PTK2: variants seen among roughly 807,000 people sequenced by gnomAD.
PTK2 encodes focal adhesion kinase 1.
Under a neutral mutation model 150.1 loss-of-function variants are expected in PTK2, and 45 were observed. The observed-to-expected ratio is 0.30, with a 90% CI of 0.24 to 0.38. PTK2 has a LOEUF of 0.38. Among genes scored for constraint, PTK2 ranks in the 10% least tolerant of loss-of-function variants. PTK2 has a pLI of 1.00. For synonymous variants in PTK2, 432 were observed against 449.2 expected, an observed-to-expected ratio of 0.96 and a Z score of 0.48; for missense variants, 919 against 1,307.3, an observed-to-expected ratio of 0.70 and a Z score of 4.58.
At chr8:140,764,371 C>G (rs751711246) in intron 14 of PTK2, 81 bp from the exon 17 acceptor site, 1 of 1,094,000 alleles carries the variant, frequency 9.1e-7, no homozygotes, top group Non-Finnish European at 1.4e-6. Context: ...GTAGGCAAAG[C>G]GATCTGCTTA....
chr8:140,941,563 C>T (rs930206976), intron 1 of PTK2, among the ~76,000 whole-genome samples: 4 of 152,036 alleles, frequency 2.6e-5, no homozygotes, highest in Non-Finnish European at 5.9e-5. Context: ...GATTTTTAAA[C>T]GAAAATTAGA....
At chr8:140,667,907 A>C (rs2093319340) in intron 30 of PTK2, among the ~76,000 whole-genome samples, 1 of 152,162 alleles carries the variant, frequency 6.6e-6, no homozygotes. Flanking sequence ...TAAGTCTTAC[A>C]CAGGATTATT....
At chr8:140,762,094 T>C (rs1382452646) in intron 15 of PTK2, among the ~76,000 whole-genome samples, 2 of 152,154 alleles carry the variant, frequency 1.3e-5, no homozygotes, top group Non-Finnish European at 2.9e-5. Flanking sequence ...ATTCCAGTAG[T>C]GTAATCACCA....
At chr8:140,863,485 C>T (rs1386464731) in intron 5 of PTK2, among the ~76,000 whole-genome samples, 1 of 152,184 alleles carries the variant, frequency 6.6e-6, no homozygotes, top group Non-Finnish European at 1.5e-5. Context: ...GTCCCTCTCT[C>T]ACCAAAATGT....
rs187727411 is a variant in PTK2 at position 140,715,293 on chromosome 8, C to G, written c.2142+2305G>C. The stretch of plus-strand genomic sequence containing the variant: ...GTTCAAGCAATTATCTTGCCTCAGC[C>G]TCCTGAGTAGCTGGGATTACAGGTG... On this transcript the variant is annotated intron_variant, in intron 23 of 31. Transcript: ENST00000522684. Among the ~76,000 whole-genome samples the G allele has an allele frequency of 1.1e-4, 16 of 149,178 alleles. No individual in the cohort carries two copies. In the Admixed American group the frequency reaches 1.1e-3, roughly 10 times the overall value.
chr8:140,834,068 T>C (rs182766858), intron 7 of PTK2, among the ~76,000 whole-genome samples: 3 of 152,338 alleles, frequency 2.0e-5, no homozygotes, highest in East Asian at 1.9e-4. Flanking sequence ...AGCAGTCCCA[T>C]GTGGCTAGAG....
intron 23 of PTK2, among the ~76,000 whole-genome samples, chr8:140,706,426 C>T (rs1347139865): frequency 1.3e-5 from 2 of 152,214 alleles, no homozygotes; most frequent in Non-Finnish European, 2.9e-5. Flanking sequence ...CTTCCTCCCA[C>T]ATGCACAAAA....
chr8:140,697,136 G>GAAAA lies in PTK2; in HGVS notation c.2499+3754_2499+3755insTTTT, dbSNP rs1564577826. Among the ~76,000 whole-genome samples, 245 of 43,320 alleles carry GAAAA rather than the reference G, an allele frequency of 5.7e-3. 6 individuals carry two copies. The highest frequency in any genetic ancestry group is 0.024 in the Middle Eastern group (1 of 42). 28.4% of individuals were successfully genotyped at this position (43,320 alleles called of 152,430 possible). A position where few individuals can be genotyped will look rare whatever the true frequency, so the allele number is the denominator to read the frequency against. On this transcript the variant is annotated intron_variant, in intron 26 of 31. Coordinates refer to ENST00000522684, the Ensembl canonical transcript of PTK2. Reference sequence around the variant, plus strand: ...GTGACAGTGTGAGACCCTGTTTCCGGGAAAAAAAAAAAAAAAAAAAAAAAA... The same window carrying GAAAA: ...GTGACAGTGTGAGACCCTGTTTCCGGAAAAGAAAAAAAAAAAAAAAAAAAAAAAA...
intron 26 of PTK2, among the ~76,000 whole-genome samples, chr8:140,692,527 G>A (rs1420919908): frequency 6.6e-6 from 1 of 152,086 alleles, no homozygotes; most frequent in Non-Finnish European, 1.5e-5. Context: ...TGAAGCAGGA[G>A]AATCGCTTAA....
intron 1 of PTK2, among the ~76,000 whole-genome samples, chr8:140,965,765 T>A (rs560642312): frequency 6.6e-6 from 1 of 152,244 alleles, no homozygotes; most frequent in Admixed American, 6.5e-5. Context: ...GAATCCCAGC[T>A]ACTTGGGAGG....
chr8:140,706,313 G>C, intron 23 of PTK2, 108 bp from the exon 27 acceptor site: 1 of 772,126 alleles, frequency 1.3e-6, no homozygotes, highest in Admixed American at 2.2e-5. Context: ...TGAAAAGAAT[G>C]ATAAAAAGAT....
At chr8:140,812,494 T>C (rs561288337) in intron 10 of PTK2, among the ~76,000 whole-genome samples, 4 of 152,322 alleles carry the variant, frequency 2.6e-5, no homozygotes, top group African/African-American at 9.6e-5. Context: ...GTTTGCCTAA[T>C]AACAAGCTAA....
At chr8:140,658,702 C>T (rs1478612680) in exon 32 of PTK2, 4 of 217,288 alleles carry the variant, frequency 1.8e-5, no homozygotes, top group African/African-American at 9.0e-5. Context: ...TCTGGAACTT[C>T]TCCTCAATGC....
intron 1 of PTK2, among the ~76,000 whole-genome samples, chr8:140,993,716 T>A (rs1398942140): frequency 6.6e-6 from 1 of 152,160 alleles, no homozygotes; most frequent in Non-Finnish European, 1.5e-5. Flanking sequence ...TAGGCACAGA[T>A]AACCCACAAA....
At chr8:140,890,621 G>T (rs763043801) in exon 3 of PTK2, 1 of 1,613,898 alleles carries the variant, frequency 6.2e-7, no homozygotes, top group Non-Finnish European at 8.5e-7. Context: ...AATAATGAAA[G>T]ACCTTTAATA....
chr8:140,876,017 T>C (rs777342656), intron 4 of PTK2, among the ~76,000 whole-genome samples: 42 of 152,212 alleles, frequency 2.8e-4, no homozygotes, highest in Non-Finnish European at 5.3e-4. Flanking sequence ...CTTTAAAAGA[T>C]GTTTAAAATT....
chr8:140,892,584 TCAAA>T (rs772505032), intron 2 of PTK2: 1 of 462,080 alleles, frequency 2.2e-6, no homozygotes. Flanking sequence ...TCTGTTGGTA[TCAAA>T]CAAAGCATAA....
intron 14 of PTK2, among the ~76,000 whole-genome samples, chr8:140,782,635 A>G (rs76321518): frequency 0.041 from 6,230 of 151,972 alleles, 415 homozygotes; most frequent in African/African-American, 0.14. Flanking sequence ...CTCTCAAATT[A>G]GGGCAAGGTT....
At chr8:140,875,808 G>A (rs376453390) in intron 4 of PTK2, among the ~76,000 whole-genome samples, 5 of 152,296 alleles carry the variant, frequency 3.3e-5, no homozygotes, top group Middle Eastern at 3.4e-3. Flanking sequence ...CAAGGCAGGT[G>A]TAGGGAGACT....
Sources: gnomAD v4.1 joint callset for allele counts (sites outside exome capture counted in the v4.1 genomes callset) on GRCh38, gnomAD v4.1.1 for gene constraint, MANE v1.5 for transcripts, NCBI Gene and HGNC (gene_info 2026-07-23, HGNC 2026-07-21) for gene names.